The following MISFA variants were observed in gnomAD, a reference collection of about 807,000 sequenced individuals.
The protein encoded by MISFA is mitochondrial sheath formation-associated protein.
the MISFA span, among the ~76,000 whole-genome samples, chr11:18,605,088 C>G: frequency 1.3e-5 from 2 of 151,998 alleles, no homozygotes; most frequent in Non-Finnish European, 2.9e-5. Context: ...ACTAAAAATA[C>G]AAAAATTAGC....
At chr11:18,601,715 C>T in the MISFA span, 1 of 393,420 alleles carries the variant, frequency 2.5e-6, no homozygotes, top group Non-Finnish European at 4.5e-6. Flanking sequence ...TTGCCAGGAC[C>T]AGCATTTTTA....
the MISFA span, chr11:18,602,924 T>G: frequency 5.2e-6 from 2 of 386,392 alleles, no homozygotes. Context: ...ATATCATAAT[T>G]GGTGTCTGAG....
the MISFA span, chr11:18,608,907 T>C: frequency 6.6e-6 from 1 of 151,160 alleles, no homozygotes; most frequent in Non-Finnish European, 1.5e-5. Flanking sequence ...TGCTAACAAA[T>C]TCAAGCTAAA....
the MISFA span, chr11:18,601,221 T>C: frequency 2.5e-6 from 1 of 398,612 alleles, no homozygotes; most frequent in African/African-American, 2.1e-5. Context: ...ATTCCTCCCT[T>C]TCCAAAGTAC....
At chr11:18,605,915 T>C in the MISFA span, among the ~76,000 whole-genome samples, 3 of 152,168 alleles carry the variant, frequency 2.0e-5, no homozygotes, top group Non-Finnish European at 2.9e-5. Context: ...CAGCCTCAAG[T>C]GATCCACCTG....
the MISFA span, chr11:18,609,225 C>G: frequency 2.0e-5 from 3 of 152,364 alleles, no homozygotes; most frequent in African/African-American, 7.2e-5. Context: ...AAAATTTTTT[C>G]ATTAATTCCT....
the MISFA span, chr11:18,608,870 A>G: frequency 1.3e-5 from 2 of 152,570 alleles, no homozygotes; most frequent in African/African-American, 4.8e-5. Context: ...CCATAAATTT[A>G]GTTTTTGGTT....
the MISFA span, among the ~76,000 whole-genome samples, chr11:18,604,450 G>A: frequency 2.0e-5 from 3 of 151,888 alleles, no homozygotes; most frequent in Non-Finnish European, 2.9e-5. Flanking sequence ...AGGGTCAGGA[G>A]TTCAAGACCA....
At chr11:18,608,892 A>G in the MISFA span, 1 of 152,078 alleles carries the variant, frequency 6.6e-6, no homozygotes, top group African/African-American at 2.4e-5. Flanking sequence ...TCTGCCATTA[A>G]TATTTGCTAA....
the MISFA span, chr11:18,603,811 A>G: frequency 2.5e-6 from 1 of 398,644 alleles, no homozygotes; most frequent in East Asian, 3.6e-5. Context: ...TGGTGAAGTA[A>G]TGCAGCTGTG....
At chr11:18,603,369 T>C in the MISFA span, among the ~76,000 whole-genome samples, 1 of 152,230 alleles carries the variant, frequency 6.6e-6, no homozygotes, top group South Asian at 2.1e-4. Flanking sequence ...ACGTGATCTT[T>C]AAGGCCCAGA....
At chr11:18,606,870 T>TC in the MISFA span, 2 of 359,664 alleles carry the variant, frequency 5.6e-6, no homozygotes, top group African/African-American at 4.6e-5. Flanking sequence ...CCCACATTCT[T>TC]TTTTTTTTGA....
chr11:18,603,982 A>T, the MISFA span: 1 of 289,178 alleles, frequency 3.5e-6, no homozygotes, highest in African/African-American at 2.8e-5. Flanking sequence ...GCTGGAGTGC[A>T]GTGGCGCGAT....
At chr11:18,603,466 A>G in the MISFA span, among the ~76,000 whole-genome samples, 1 of 152,118 alleles carries the variant, frequency 6.6e-6, no homozygotes, top group Non-Finnish European at 1.5e-5. Flanking sequence ...TTTCCTAAGG[A>G]TCAGTCCACT....
At chr11:18,607,791 A>G in the MISFA span, 1 of 152,226 alleles carries the variant, frequency 6.6e-6, no homozygotes, top group Non-Finnish European at 1.5e-5. Flanking sequence ...AAATGCACTC[A>G]GAAGTAACAG....
chr11:18,600,815 C>T, the MISFA span, among the ~76,000 whole-genome samples: 3 of 152,074 alleles, frequency 2.0e-5, no homozygotes, highest in African/African-American at 2.4e-5. Flanking sequence ...CCACTGCGCC[C>T]GGCCAGGACA....
At chr11:18,605,060 T>A in the MISFA span, among the ~76,000 whole-genome samples, 1 of 152,108 alleles carries the variant, frequency 6.6e-6, no homozygotes, top group Admixed American at 6.5e-5. Flanking sequence ...TTGGCCAACA[T>A]GGTGAAACCC....
At chr11:18,605,253 AAAAGAG>A in the MISFA span, among the ~76,000 whole-genome samples, 2 of 152,096 alleles carry the variant, frequency 1.3e-5, no homozygotes, top group African/African-American at 4.8e-5. Flanking sequence ...AAGAAAAAAA[AAAAGAG>A]AAAAGAAAAC....
the MISFA span, chr11:18,603,081 G>A: frequency 2.5e-6 from 1 of 398,884 alleles, no homozygotes; most frequent in South Asian, 1.3e-4. Flanking sequence ...AGAAGCACTT[G>A]TTTCTTCGTG....
Sources: allele counts gnomAD v4.1 joint callset (sites outside exome capture counted in the v4.1 genomes callset), GRCh38; gene constraint gnomAD v4.1.1; transcripts MANE v1.5; gene names NCBI Gene and HGNC (gene_info 2026-07-23, HGNC 2026-07-21).